MTPN: variants seen among roughly 807,000 people sequenced by gnomAD.
MTPN encodes the protein myotrophin, also known as granule cell differentiation protein.
Under a neutral mutation model 13.5 loss-of-function variants are expected in MTPN, and 2 were observed. That is an observed-to-expected ratio of 0.15 (90% CI 0.06 to 0.47). MTPN has a LOEUF of 0.47. Among genes scored for constraint, MTPN ranks in the 20% least tolerant of loss-of-function variants. MTPN has a pLI of 0.97. For missense variants in MTPN, 79 were observed against 137.9 expected (o/e 0.57, Z 2.14); for synonymous variants, 46 against 51.7 (o/e 0.89, Z 0.48).
At chr7:135,946,510 G>T (rs1288679651) in intron 3 of MTPN, among the ~76,000 whole-genome samples, 1 of 152,162 alleles carries the variant, frequency 6.6e-6, no homozygotes, top group Admixed American at 6.5e-5. Context: ...TTTTGTATAT[G>T]AAGTTTTACT....
In MTPN at chr7:135,951,638, G is replaced by A. The variant is rs751312519; in HGVS notation, c.73-8C>T. On this transcript the variant is annotated splice_polypyrimidine_tract_variant and splice_region_variant and intron_variant, in intron 1 of 3. Coordinates refer to ENST00000393085, the MANE Select transcript of MTPN (RefSeq NM_145808.4). ...CCGGTTGACATCTTCTCCCTGATAA[G>A]AAAACCAAATGAAAACAATATTTAT... The A allele has an allele frequency of 8.2e-6, 13 of 1,587,374 alleles. No individual in the cohort carries two copies. The African/African-American group carries it at 1.2e-4, about 15-fold the overall frequency.
rs1425947835 is a variant in MTPN at position 135,927,198 on chromosome 7, T to C, written c.*2728A>G. 9.4e-7 allele frequency: 1 copy of C among 1,066,366 alleles called. No homozygotes were observed. Among genetic ancestry groups the C allele is most frequent in the African/African-American group, 1.6e-5 (1 of 61,652 alleles). 66.1% of individuals were successfully genotyped at this position (1,066,366 alleles called of 1,614,324 possible). On this transcript the variant is annotated 3_prime_UTR_variant, in exon 4 of 4. Coordinates refer to ENST00000393085, the MANE Select transcript of MTPN (RefSeq NM_145808.4). ...TCCAGTACTTGGGAAAAGATATCAA[T>C]GAATAAAAGGCCTACTTGTTTGCAG...
chr7:135,955,630 C>A (rs370821392), intron 1 of MTPN, among the ~76,000 whole-genome samples: 3 of 152,250 alleles, frequency 2.0e-5, no homozygotes, highest in East Asian at 3.9e-4. Flanking sequence ...TAAGAAAATA[C>A]TGTATGCCAA....
chr7:135,963,689 T>C (rs191246328), intron 1 of MTPN, among the ~76,000 whole-genome samples: 3 of 152,190 alleles, frequency 2.0e-5, no homozygotes, highest in Admixed American at 6.6e-5. Flanking sequence ...AAACTTTCAA[T>C]GATACAAATA....
intron 3 of MTPN, among the ~76,000 whole-genome samples, chr7:135,942,391 G>A (rs955927989): frequency 1.3e-5 from 2 of 152,042 alleles, no homozygotes; most frequent in Admixed American, 6.5e-5. Context: ...GCATTTCAGC[G>A]AGTGGCTTAT....
intron 3 of MTPN, among the ~76,000 whole-genome samples, chr7:135,934,464 A>T (rs1219401960): frequency 6.6e-6 from 1 of 152,234 alleles, no homozygotes; most frequent in Non-Finnish European, 1.5e-5. Context: ...AGTGACACAC[A>T]TCATTTGTGC....
At chr7:135,943,701 A>G (rs1339444955) in intron 3 of MTPN, among the ~76,000 whole-genome samples, 1 of 152,206 alleles carries the variant, frequency 6.6e-6, no homozygotes, top group African/African-American at 2.4e-5. Flanking sequence ...GCGCTGCATA[A>G]CCATCAGTGG....
chr7:135,948,653 C>G (rs1281938603), intron 3 of MTPN, among the ~76,000 whole-genome samples: 2 of 152,132 alleles, frequency 1.3e-5, no homozygotes, highest in Non-Finnish European at 2.9e-5. Flanking sequence ...GTCTCAATGA[C>G]CTGAAGCCTC....
Position 135,954,834 on chromosome 7 carries a change from T to C in MTPN, c.73-3204A>G, listed in dbSNP as rs1036320966. On this transcript the variant is annotated intron_variant, in intron 1 of 3. Coordinates refer to ENST00000393085, the MANE Select transcript of MTPN (RefSeq NM_145808.4). ...GGTGGGCACCTGTAGTCCCAGCTAC[T>C]TGGGAGGCTGAGGCAGGACAATGGC... Among the ~76,000 whole-genome samples the C allele has an allele frequency of 1.2e-4, 18 of 152,226 alleles. No individual in the cohort carries two copies. In the South Asian group the frequency reaches 3.7e-3, roughly 32 times the overall value.
chr7:135,929,691 A>G lies in MTPN; in HGVS notation c.*235T>C, dbSNP rs1798984084. Reference sequence around the variant, plus strand: ...AAGGTGTATATTTTATTAGAAAGGGAAGAGGCTTACTTGATCAGGAATCCC... The same window carrying G: ...AAGGTGTATATTTTATTAGAAAGGGGAGAGGCTTACTTGATCAGGAATCCC... On this transcript the variant is annotated 3_prime_UTR_variant, in exon 4 of 4. Coordinates refer to ENST00000393085, the MANE Select transcript of MTPN (RefSeq NM_145808.4). 1.9e-6 allele frequency: 1 copy of G among 540,094 alleles called. No individual in the cohort carries two copies. The highest frequency in any genetic ancestry group is 3.1e-5 in the Admixed American group (1 of 31,922). The allele number at this position is 540,094 out of a possible 1,614,324, so 33.5% of individuals were successfully genotyped here.
intron 3 of MTPN, among the ~76,000 whole-genome samples, chr7:135,936,643 T>C (rs998520627): frequency 6.6e-6 from 1 of 152,222 alleles, no homozygotes; most frequent in African/African-American, 2.4e-5. Context: ...TAGCACACTA[T>C]ATAACATACC....
At chr7:135,969,088 T>TC (rs1554395537) in intron 1 of MTPN, among the ~76,000 whole-genome samples, 3 of 33,604 alleles carry the variant, frequency 8.9e-5, no homozygotes, top group Admixed American at 3.9e-4. Context: ...TGTTGTGGGG[T>TC]GGGGGGGGGG....
At chr7:135,974,475 C>T (rs1206156207) in intron 1 of MTPN, among the ~76,000 whole-genome samples, 3 of 152,126 alleles carry the variant, frequency 2.0e-5, no homozygotes, top group Admixed American at 6.6e-5. Context: ...CGACACTGCA[C>T]TCTAGCCTGG....
chr7:135,932,305 T>C (rs980451963), intron 3 of MTPN: 2 of 152,142 alleles, frequency 1.3e-5, no homozygotes, highest in African/African-American at 4.8e-5. Context: ...AAGTTCCTGC[T>C]ACCCAGAGCC....
chr7:135,955,842 A>AT (rs1799436237), intron 1 of MTPN, among the ~76,000 whole-genome samples: 1 of 44,582 alleles, frequency 2.2e-5, no homozygotes, highest in African/African-American at 7.6e-5. Context: ...AATGGATTAT[A>AT]AAAAAAAAAA....
intron 1 of MTPN, among the ~76,000 whole-genome samples, chr7:135,972,226 C>CGT (rs1235686988): frequency 1.2e-3 from 152 of 121,732 alleles, no homozygotes; most frequent in African/African-American, 4.5e-3. Context: ...CACGCGCACG[C>CGT]GCGCGCACAC....
intron 1 of MTPN, among the ~76,000 whole-genome samples, chr7:135,967,805 A>G (rs1198537077): frequency 1.3e-5 from 2 of 152,190 alleles, no homozygotes; most frequent in East Asian, 3.9e-4. Context: ...CAAAGTGTCT[A>G]GTTAGTAAGA....
At chr7:135,956,517 C>A (rs1799446404) in intron 1 of MTPN, among the ~76,000 whole-genome samples, 1 of 152,094 alleles carries the variant, frequency 6.6e-6, no homozygotes, top group African/African-American at 2.4e-5. Context: ...TTATTATAGA[C>A]CTTAGACTTT....
chr7:135,966,609 G>C (rs959598782), intron 1 of MTPN, among the ~76,000 whole-genome samples: 1 of 152,062 alleles, frequency 6.6e-6, no homozygotes, highest in African/African-American at 2.4e-5. Context: ...GAACCACCTG[G>C]GCACAGAAGA....
Sources: allele counts gnomAD v4.1 joint callset (sites outside exome capture counted in the v4.1 genomes callset), GRCh38; gene constraint gnomAD v4.1.1; transcripts MANE v1.5; gene names NCBI Gene and HGNC (gene_info 2026-07-23, HGNC 2026-07-21).